Variants in NELFE observed in about 807,000 individuals in gnomAD.
The protein encoded by NELFE is negative elongation factor E.
In NELFE, 26 loss-of-function variants were observed where a neutral mutation model predicts 55.5. That is an observed-to-expected ratio of 0.47 (90% CI 0.34 to 0.65). The LOEUF is 0.65. NELFE is among the 30% of genes least tolerant of loss of function. NELFE has a pLI of 0.01. For missense variants in NELFE, 403 were observed against 506.9 expected, an observed-to-expected ratio of 0.80 and a Z score of 1.97; for synonymous variants, 162 against 178.0, an observed-to-expected ratio of 0.91 and a Z score of 0.72.
In NELFE at chr6:31,956,854, G is replaced by T; in HGVS notation, c.146-16C>A. 6.2e-7 allele frequency: 1 copy of T among 1,613,072 alleles called. No homozygotes were observed. Among genetic ancestry groups the T allele is most frequent in the Non-Finnish European group, 8.5e-7 (1 of 1,180,032 alleles). ...TCTGATAGTGCTGGAGAGACAAGGG[G>T]AAGAGGCATTATGTTGGCCAAGCCA... On this transcript the variant is annotated splice_polypyrimidine_tract_variant and intron_variant, in intron 3 of 10. Transcript: ENST00000375429.
At chr6:31,957,345 T>G (rs1373616143) in intron 2 of NELFE, 2 of 552,694 alleles carry the variant, frequency 3.6e-6, no homozygotes, top group Non-Finnish European at 6.9e-6. Context: ...TCCATCTATT[T>G]CCTGCATATT....
chr6:31,954,231 C>A lies in NELFE; in HGVS notation c.887+67G>T. 1.9e-6 allele frequency: 3 copies of A among 1,610,768 alleles called. No homozygotes were observed. Among genetic ancestry groups the A allele is most frequent in the Non-Finnish European group, 2.5e-6 (3 of 1,177,538 alleles). On this transcript the variant is annotated intron_variant, in intron 8 of 10. Transcript: ENST00000375429. This position sits in a 1 kb window ranked among gnomAD's most constrained non-coding sequence, Gnocchi z 5.5. Reference sequence around the variant, plus strand: ...TAGGCGGCTGCAGGGAGGGCAGCTTCTTCCCTCAGGTCTCACACCCCAGGA... The same window carrying A: ...TAGGCGGCTGCAGGGAGGGCAGCTTATTCCCTCAGGTCTCACACCCCAGGA...
At chr6:31,953,979 T>G (rs1247459916) in intron 9 of NELFE, 101 bp downstream of exon 9, 12 of 1,422,224 alleles carry the variant, frequency 8.4e-6, no homozygotes, top group Non-Finnish European at 1.2e-5. Flanking sequence ...AGAGGCTTTC[T>G]TTATCAAGAG....
chr6:31,957,256 A>G (rs900117140), intron 2 of NELFE: 24 of 610,964 alleles, frequency 3.9e-5, no homozygotes, highest in Non-Finnish European at 6.7e-5. Context: ...TTGAAGACAA[A>G]TAACTCAATC....
At chr6:31,952,817 C>T (rs777366657) in intron 10 of NELFE, among the ~76,000 whole-genome samples, 8 of 152,210 alleles carry the variant, frequency 5.3e-5, no homozygotes, top group Non-Finnish European at 1.0e-4. Context: ...GGAAAATCTA[C>T]TTTCAGGGAA....
chr6:31,956,239 C>A (rs1008439173), intron 4 of NELFE, among the ~76,000 whole-genome samples: 4 of 151,846 alleles, frequency 2.6e-5, no homozygotes, highest in Non-Finnish European at 4.4e-5. Flanking sequence ...TCACACCCTG[C>A]TGATTTTTGT....
At position 31,954,682 on chromosome 6, in the gene NELFE, ATCCC is replaced by A; in HGVS notation, c.611_614del (p.Arg204LeufsTer67). ...TGTCTCTGTCTCGATCCCGGTCTCG[ATCCC>A]GCTCCCGATCTCGGTCTCTGTCCCG... is the stretch of plus-strand genomic sequence containing the variant. On this transcript the variant is annotated frameshift_variant, in exon 7 of 11. Transcript: ENST00000375429. LOFTEE classifies it high-confidence loss of function. The surrounding 1 kb of genome is among the most constrained non-coding windows in gnomAD (Gnocchi z 5.5). The A allele has an allele frequency of 6.3e-7, 1 of 1,597,934 alleles. No individual in the cohort carries two copies.
chr6:31,958,309 C>A (rs772081448), intron 2 of NELFE, 63 bp downstream of exon 2: 2 of 1,470,550 alleles, frequency 1.4e-6, no homozygotes, highest in Non-Finnish European at 1.9e-6. Context: ...CACACTCACC[C>A]CATATCTTCT....
chr6:31,953,565 C>G (rs1366016909), intron 10 of NELFE, among the ~76,000 whole-genome samples, 164 bp downstream of exon 10: 1 of 152,242 alleles, frequency 6.6e-6, no homozygotes, highest in Non-Finnish European at 1.5e-5. Context: ...TCTCTCCTTT[C>G]TTTACCTCTA....
intron 2 of NELFE, chr6:31,957,268 T>G: frequency 1.6e-6 from 1 of 611,290 alleles, no homozygotes; most frequent in Non-Finnish European, 2.9e-6. Context: ...AACTCAATCA[T>G]GGACTAGAAT....
rs1239168024 is a variant in NELFE, at chr6:31,955,063, C to G, written c.400G>C (p.Glu134Gln). The G allele has an allele frequency of 1.9e-6, 3 of 1,613,062 alleles. No individual in the cohort carries two copies. The Admixed American group carries it at 5.0e-5, about 27-fold the overall frequency. ...GCCTTATCTCTACTCTCTAACCTCT[C>G]ATACAGAGATTTCCTCTGGGGACGT... ...SRRPQRKSLY[E>Q]SFVSSSDRLR... is the part of the protein sequence containing the mutation. The change falls in exon 6 of 11, where the codon GAG becomes CAG. Residue 134 changes from glutamate to glutamine, a missense_variant. By Grantham distance (29) the Glu-to-Gln change is conservative. This residue lies in a region of NELFE where 229 missense variants were observed against 228.3 expected (regional missense o/e 1.00). Transcript: ENST00000375429.
Position 31,954,044 on chromosome 6 carries a change from G to C in NELFE, c.942+36C>G. 1 of 1,607,606 alleles carries C rather than the reference G, an allele frequency of 6.2e-7. No homozygotes were observed. Among genetic ancestry groups the C allele is most frequent in the Non-Finnish European group, 8.5e-7 (1 of 1,175,328 alleles). On this transcript the variant is annotated intron_variant, in intron 9 of 10. Transcript: ENST00000375429. The surrounding 1 kb of genome is among the most constrained non-coding windows in gnomAD (Gnocchi z 5.5). ...TTGAGGAGAACACATGAGAACAGCA[G>C]AAGCGATGGGAAGAACAGATTTGGG...
intron 1 of NELFE, 49 bp downstream of exon 1, chr6:31,958,843 A>C (rs1772264584): frequency 1.6e-6 from 1 of 630,158 alleles, no homozygotes; most frequent in Non-Finnish European, 2.8e-6. Context: ...AAGAACAGAG[A>C]AACGGCTATG....
Position 31,954,879 on chromosome 6 carries a change from T to C in NELFE, c.418A>G (p.Ser140Gly), listed in dbSNP as rs1482955620. The change falls in exon 7 of 11, where the codon AGT (serine) becomes GGT (glycine). Residue 140 changes from serine to glycine, a missense_variant. Ser to Gly is a moderately conservative substitution (Grantham distance 56). Around this residue, in one of 3 missense-constraint regions of NELFE, gnomAD observed 229 missense variants for 228.3 expected, o/e 1.00. Transcript: ENST00000375429. The surrounding 1 kb of genome is among the most constrained non-coding windows in gnomAD (Gnocchi z 5.5). ...GGTCCTAGTTCTCGAAGTCGATCACTAGAAGACACAAAGCTGGGGAGATGC... is the reference window on the plus strand; with the variant it reads ...GGTCCTAGTTCTCGAAGTCGATCACCAGAAGACACAAAGCTGGGGAGATGC... ...KSLYESFVSS[S>G]DRLRELGPDG... 6.4e-7 allele frequency: 1 copy of C among 1,568,336 alleles called. No homozygotes were observed. The highest frequency in any genetic ancestry group is 2.2e-5 in the East Asian group (1 of 44,618).
At chr6:31,958,050 AGAT>A (rs1176902234) in intron 2 of NELFE, among the ~76,000 whole-genome samples, 3 of 152,238 alleles carry the variant, frequency 2.0e-5, no homozygotes, top group Non-Finnish European at 2.9e-5. Flanking sequence ...AAGAATAGAA[AGAT>A]GATAGCTTCA....
In NELFE at chr6:31,954,773, C is replaced by T. The variant is rs913022605; in HGVS notation, c.524G>A (p.Gly175Asp). 23 of 1,612,690 alleles carry T rather than the reference C, an allele frequency of 1.4e-5. No individual in the cohort carries two copies. The Admixed American group carries it at 2.7e-4, about 19-fold the overall frequency. Residue 175 changes from glycine (G) to aspartate (D), a missense_variant, in exon 7 of 11, where the codon GGT (glycine) becomes GAT (aspartate). Coordinates refer to ENST00000375429, the MANE Select transcript of NELFE (RefSeq NM_002904.6). This position sits in a 1 kb window ranked among gnomAD's most constrained non-coding sequence, Gnocchi z 5.5. Reference sequence around the variant, plus strand: ...GGGAGGGGAGGCTGAGGAGTGGGCACCACTGCGTTCTTCATAGCCCCAGTC... The same window carrying T: ...GGGAGGGGAGGCTGAGGAGTGGGCATCACTGCGTTCTTCATAGCCCCAGTC... ...SFDWGYEERS[G>D]AHSSASPPRS...
Position 31,954,048 on chromosome 6 carries a change from C to A in NELFE, c.942+32G>T. The A allele has an allele frequency of 6.2e-7, 1 of 1,608,932 alleles. No individual in the cohort carries two copies. The highest frequency in any genetic ancestry group is 8.5e-7 in the Non-Finnish European group (1 of 1,176,508). ...GGAGAACACATGAGAACAGCAGAAG[C>A]GATGGGAAGAACAGATTTGGGAAGT... On this transcript the variant is annotated intron_variant, in intron 9 of 10. Transcript: ENST00000375429. The surrounding 1 kb of genome is among the most constrained non-coding windows in gnomAD (Gnocchi z 5.5).
intron 4 of NELFE, among the ~76,000 whole-genome samples, chr6:31,956,145 G>A (rs974019360): frequency 6.6e-6 from 1 of 151,974 alleles, no homozygotes; most frequent in South Asian, 2.1e-4. Flanking sequence ...TAGCCAGGAT[G>A]GTCTCGATCT....
rs764019312 is a variant in NELFE, at chr6:31,956,673, A to G, written c.291+20T>C. The G allele has an allele frequency of 9.5e-6, 15 of 1,584,572 alleles. No homozygotes were observed. Among genetic ancestry groups the G allele is most frequent in the African/African-American group, 2.7e-5 (2 of 74,416 alleles). On this transcript the variant is annotated intron_variant, in intron 4 of 10. Coordinates refer to ENST00000375429, the MANE Select transcript of NELFE (RefSeq NM_002904.6). ...AACTTGGAGGGATGCCCTTTAAACA[A>G]TCTTTCTGCTTGTGCTCACCTTTAA...
Sources: gnomAD v4.1 joint callset for allele counts (sites outside exome capture counted in the v4.1 genomes callset) on GRCh38, gnomAD v4.1.1 for gene constraint, gnomAD v4.1.1 regional missense constraint, Gnocchi (gnomAD v3.1) non-coding constraint, MANE v1.5 for transcripts, NCBI Gene and HGNC (gene_info 2026-07-23, HGNC 2026-07-21) for gene names.